The following WDR26 variants were observed in gnomAD, a reference collection of about 807,000 sequenced individuals.
WDR26 encodes the protein WD repeat-containing protein 26.
A neutral mutation model predicts 84.1 loss-of-function variants in WDR26; 5 were observed. That is an observed-to-expected ratio of 0.06 (90% confidence interval 0.03 to 0.13). The LOEUF is 0.13. Ranked by LOEUF, WDR26 falls within the 10% of genes least tolerant of loss-of-function variation. The probability of loss-of-function intolerance (pLI) is 1.00; values close to 1 mark genes in which losing one functional copy is unlikely to be tolerated. For synonymous variants in WDR26, 415 were observed against 389.6 expected, an observed-to-expected ratio of 1.07 and a Z score of -0.77; for missense variants, 642 against 974.9, an observed-to-expected ratio of 0.66 and a Z score of 4.55.
chr1:224,387,634 CCT>C lies in WDR26; in HGVS notation c.*2199_*2200del, dbSNP rs1673019118. 1 of 152,460 alleles carries C rather than the reference CCT, an allele frequency of 6.6e-6. No individual in the cohort carries two copies. Among genetic ancestry groups the C allele is most frequent in the Non-Finnish European group, 1.5e-5 (1 of 68,016 alleles). 9.4% of individuals were successfully genotyped at this position (152,460 alleles called of 1,614,324 possible). On this transcript the variant is annotated 3_prime_UTR_variant, in exon 14 of 14. Coordinates refer to ENST00000414423, the MANE Select transcript of WDR26 (RefSeq NM_001379403.1). ...AGTAGAATCTGAGTGCCAAATTGCC[CCT>C]GAATGGGCACAAATCTGAGTGTTAC...
rs573829225 is a variant in WDR26, at chr1:224,389,073, C to T, written c.*762G>A. ...CATCAGTTATACTGTGTATCTAAGT[C>T]ATTGAGGAAACTGTTTTTAAGCTGG... On this transcript the variant is annotated 3_prime_UTR_variant, in exon 14 of 14. Transcript: ENST00000414423. 6.6e-6 allele frequency: 1 copy of T among 152,616 alleles called. No individual in the cohort carries two copies. Among genetic ancestry groups the T allele is most frequent in the African/African-American group, 2.4e-5 (1 of 41,436 alleles). The allele number at this position is 152,616 out of a possible 1,614,324, so 9.5% of individuals were successfully genotyped here.
At chr1:224,409,837 T>C (rs1393999816) in intron 7 of WDR26, among the ~76,000 whole-genome samples, 1 of 151,104 alleles carries the variant, frequency 6.6e-6, no homozygotes, top group African/African-American at 2.4e-5. Flanking sequence ...CACTACACCC[T>C]GGGGGACATA....
Position 224,434,037 on chromosome 1 carries a change from G to A in WDR26, c.369C>T (p.Gly123=). ...GTTCCGGGGTCTGTCCCTGGCCCCC[G>A]CCGCCCCCTCCTCCTCCACCGCCGC... Residue 123 remains glycine (G), a synonymous_variant, in exon 1 of 14, where the codon GGC becomes GGT. Transcript: ENST00000414423. 2.1e-6 allele frequency: 3 copies of A among 1,460,130 alleles called. No homozygotes were observed. Among genetic ancestry groups the A allele is most frequent in the Non-Finnish European group, 2.7e-6 (3 of 1,108,756 alleles). 90.4% of individuals were successfully genotyped at this position (1,460,130 alleles called of 1,614,324 possible). A position where few individuals can be genotyped will look rare whatever the true frequency, so the allele number is the denominator to read the frequency against.
intron 4 of WDR26, 40 bp from the exon 5 acceptor site, chr1:224,419,655 T>G: frequency 6.7e-7 from 1 of 1,481,592 alleles, no homozygotes; most frequent in Non-Finnish European, 9.4e-7. Context: ...ATTAAACCCA[T>G]TTCTTTGTAA....
rs1390148136 is a variant in WDR26 at position 224,434,624 on chromosome 1, GGGGGCGCCGC to G, written c.-229_-220del. 5 of 599,290 alleles carry G rather than the reference GGGGGCGCCGC, an allele frequency of 8.3e-6. No individual in the cohort carries two copies. Among genetic ancestry groups the G allele is most frequent in the Non-Finnish European group, 1.0e-5 (5 of 480,162 alleles). 37.1% of individuals were successfully genotyped at this position (599,290 alleles called of 1,614,324 possible). The stretch of plus-strand genomic sequence containing the variant: ...GGTGCGCGGCCCGGGGGTCGCGCCG[GGGGGCGCCGC>G]GGGGCGGCTGCGGGGGCGCGGGGCC... On this transcript the variant is annotated 5_prime_UTR_variant, in exon 1 of 14. Coordinates refer to ENST00000414423, the MANE Select transcript of WDR26 (RefSeq NM_001379403.1).
chr1:224,398,190 C>A lies in WDR26; in HGVS notation c.1981G>T (p.Val661Leu). Residue 661 changes from valine to leucine, a missense_variant, in exon 12 of 14, where the codon GTA becomes TTA. Coordinates refer to ENST00000414423, the MANE Select transcript of WDR26 (RefSeq NM_001379403.1). ...TGTGTAACACCTTGATACTTTCTTACTAAAACTCTGTCTTGCAAGTCCCAT... is the reference window on the plus strand; with the variant it reads ...TGTGTAACACCTTGATACTTTCTTAATAAAACTCTGTCTTGCAAGTCCCAT... The A allele has an allele frequency of 6.2e-7, 1 of 1,613,550 alleles. No homozygotes were observed. Among genetic ancestry groups the A allele is most frequent in the Non-Finnish European group, 8.5e-7 (1 of 1,179,854 alleles).
intron 7 of WDR26, among the ~76,000 whole-genome samples, chr1:224,407,171 T>TATATAA (rs1219084363): frequency 2.1e-5 from 2 of 94,462 alleles, no homozygotes; most frequent in African/African-American, 8.6e-5. Flanking sequence ...TATATATATA[T>TATATAA]AACTCAAAAA....
chr1:224,424,420 A>G (rs1674153031), intron 4 of WDR26, 98 bp downstream of exon 4: 8 of 1,481,070 alleles, frequency 5.4e-6, no homozygotes, highest in Non-Finnish European at 7.3e-6. Flanking sequence ...AATATCTAAG[A>G]ATTTAGCAAT....
chr1:224,427,626 G>T (rs963556321), intron 3 of WDR26, among the ~76,000 whole-genome samples: 3 of 152,196 alleles, frequency 2.0e-5, no homozygotes, highest in Non-Finnish European at 4.4e-5. Flanking sequence ...TTCTCAAACA[G>T]ATATCAAATC....
intron 7 of WDR26, among the ~76,000 whole-genome samples, chr1:224,408,047 A>G (rs945981026): frequency 3.9e-5 from 6 of 152,180 alleles, no homozygotes; most frequent in African/African-American, 1.4e-4. Context: ...CTGCATACCC[A>G]TTATTCCTGC....
At chr1:224,419,662 G>A in intron 4 of WDR26, 47 bp from the exon 5 acceptor site, 1 of 1,427,178 alleles carries the variant, frequency 7.0e-7, no homozygotes, top group Non-Finnish European at 9.9e-7. Flanking sequence ...CCATTTCTTT[G>A]TAATAAATGT....
At chr1:224,402,207 G>A (rs910400895) in intron 8 of WDR26, 1 of 152,100 alleles carries the variant, frequency 6.6e-6, no homozygotes, top group Non-Finnish European at 1.5e-5. Flanking sequence ...CACAAAAACA[G>A]AAAACCAGGT....
rs1673750002 is a variant in WDR26 at position 224,411,862 on chromosome 1, G to T, written c.1320-297C>A. ...CTGGGACCACAGACCTGTGACACCA[G>T]GCCCAGCTACATTTTTTTTTACTTG... On this transcript the variant is annotated intron_variant, in intron 6 of 13. Coordinates refer to ENST00000414423, the MANE Select transcript of WDR26 (RefSeq NM_001379403.1). 2.6e-5 allele frequency among the ~76,000 whole-genome samples: 4 copies of T among 152,156 alleles called. No individual in the cohort carries two copies. The South Asian group carries it at 8.3e-4, about 32-fold the overall frequency.
At chr1:224,420,762 G>C (rs2102915410) in intron 4 of WDR26, among the ~76,000 whole-genome samples, 1 of 152,212 alleles carries the variant, frequency 6.6e-6, no homozygotes, top group South Asian at 2.1e-4. Context: ...GTTAGCTATT[G>C]TGTTTTTTTG....
intron 7 of WDR26, among the ~76,000 whole-genome samples, chr1:224,410,087 T>C (rs941979895): frequency 4.2e-4 from 63 of 151,260 alleles, no homozygotes; most frequent in Middle Eastern, 3.4e-3. Context: ...TTGAGACCAG[T>C]CTGGCCAACA....
chr1:224,419,511 C>T lies in WDR26; in HGVS notation c.1162+7G>A. On this transcript the variant is annotated splice_region_variant and intron_variant, in intron 5 of 13. Transcript: ENST00000414423. ...AACACAGCAACATAAAAAATTAAGACTCTTACTCTGAAGTTTATCCAATAG... is the reference window on the plus strand; with the variant it reads ...AACACAGCAACATAAAAAATTAAGATTCTTACTCTGAAGTTTATCCAATAG... 6.2e-7 allele frequency: 1 copy of T among 1,609,542 alleles called. No homozygotes were observed. Among genetic ancestry groups the T allele is most frequent in the Non-Finnish European group, 8.5e-7 (1 of 1,175,926 alleles).
intron 9 of WDR26, among the ~76,000 whole-genome samples, chr1:224,399,366 G>A (rs1405932003): frequency 1.3e-5 from 2 of 152,078 alleles, no homozygotes; most frequent in Non-Finnish European, 2.9e-5. Context: ...CAATTTAAAC[G>A]TTCCTTTAAA....
intron 9 of WDR26, among the ~76,000 whole-genome samples, chr1:224,400,683 T>C (rs1673388075): frequency 6.6e-6 from 1 of 152,096 alleles, no homozygotes; most frequent in Non-Finnish European, 1.5e-5. Flanking sequence ...GTAGCTGGGA[T>C]TACAGGCACC....
intron 13 of WDR26, among the ~76,000 whole-genome samples, chr1:224,390,817 A>G (rs569197235): frequency 6.6e-6 from 1 of 152,284 alleles, no homozygotes; most frequent in South Asian, 2.1e-4. Context: ...TGTAAAATCA[A>G]TGGTTTTTAG....
Sources: gnomAD v4.1 joint callset for allele counts (sites outside exome capture counted in the v4.1 genomes callset) on GRCh38, gnomAD v4.1.1 for gene constraint, MANE v1.5 for transcripts, NCBI Gene and HGNC (gene_info 2026-07-23, HGNC 2026-07-21) for gene names.